ABCA12: variants seen among roughly 807,000 people sequenced by gnomAD.
ABCA12 encodes ATP binding cassette subfamily A member 12.
ABCA12 carries 156 observed loss-of-function variants against 293.5 expected under a neutral mutation model. That is an observed-to-expected ratio of 0.53 (90% confidence interval 0.47 to 0.61). The LOEUF (loss-of-function observed/expected upper bound fraction) is 0.61, where lower values mean the gene tolerates loss of function less well. Among genes scored for constraint, ABCA12 ranks in the 20% least tolerant of loss-of-function variants. The probability of loss-of-function intolerance (pLI) is 0.00; values close to 1 mark genes in which losing one functional copy is unlikely to be tolerated. For missense variants in ABCA12, 2,797 were observed against 3,090.2 expected (o/e 0.91, Z 2.25); for synonymous variants, 1,063 against 1,108.0 (o/e 0.96, Z 0.81).
chr2:214,994,654 T>C (rs192883392), intron 23 of ABCA12, among the ~76,000 whole-genome samples: 1 of 152,388 alleles, frequency 6.6e-6, no homozygotes, highest in East Asian at 1.9e-4. Flanking sequence ...ATTTATATTA[T>C]TGTTTTTTTT....
chr2:215,002,324 G>C (rs1186249824), intron 20 of ABCA12, among the ~76,000 whole-genome samples: 2 of 152,108 alleles, frequency 1.3e-5, no homozygotes, highest in Non-Finnish European at 2.9e-5. Flanking sequence ...TTTGATATCT[G>C]TATTAATCTG....
At chr2:215,010,496 C>A in intron 17 of ABCA12, 26 bp from the exon 18 acceptor site, 1 of 1,610,788 alleles carries the variant, frequency 6.2e-7, no homozygotes, top group Non-Finnish European at 8.5e-7. Context: ...GAAATAAAAC[C>A]ATTTAATAGA....
At position 215,010,483 on chromosome 2, in the gene ABCA12, AGT is replaced by A. The variant is rs1700347572; in HGVS notation, c.2333-15_2333-14del. 1 of 1,612,680 alleles carries A rather than the reference AGT, an allele frequency of 6.2e-7. No individual in the cohort carries two copies. The highest frequency in any genetic ancestry group is 1.1e-5 in the South Asian group (1 of 91,004). On this transcript the variant is annotated splice_polypyrimidine_tract_variant and intron_variant, in intron 17 of 52. Coordinates refer to ENST00000272895, the MANE Select transcript of ABCA12 (RefSeq NM_173076.3). ...AAGCAAAATGGTGCTGGAAGGAAAA[AGT>A]GAAATAAAACCATTTAATAGATGTA...
chr2:215,031,694 G>T, intron 9 of ABCA12, 127 bp downstream of exon 9: 2 of 1,146,592 alleles, frequency 1.7e-6, no homozygotes, highest in South Asian at 2.5e-5. Flanking sequence ...CCTTTCCTCT[G>T]CTCAGTCAAT....
intron 13 of ABCA12, 90 bp from the exon 14 acceptor site, chr2:215,018,222 T>G (rs1700549384): frequency 7.2e-6 from 11 of 1,518,508 alleles, no homozygotes; most frequent in Non-Finnish European, 8.9e-6. Context: ...CCTTCTAGAC[T>G]AAGACATACG....
chr2:215,096,157 C>G (rs1702246584), intron 2 of ABCA12, among the ~76,000 whole-genome samples: 1 of 152,196 alleles, frequency 6.6e-6, no homozygotes, highest in Non-Finnish European at 1.5e-5. Context: ...CTATATGCAT[C>G]TATAGACTGC....
At chr2:215,063,584 A>G (rs919443565) in intron 3 of ABCA12, among the ~76,000 whole-genome samples, 1 of 151,848 alleles carries the variant, frequency 6.6e-6, no homozygotes, top group Non-Finnish European at 1.5e-5. Context: ...TCAATTATGT[A>G]TACTTTTAAC....
Position 214,937,635 on chromosome 2 carries a change from A to C in ABCA12, c.7437-20T>G. ...CCAAACCTAGAAAGAAAAAGTGCAA[A>C]ATATGATATGAATTACATTTTGCTG... On this transcript the variant is annotated intron_variant, in intron 50 of 52. Coordinates refer to ENST00000272895, the MANE Select transcript of ABCA12 (RefSeq NM_173076.3). 1 of 1,583,604 alleles carries C rather than the reference A, an allele frequency of 6.3e-7. No homozygotes were observed. Among genetic ancestry groups the C allele is most frequent in the Non-Finnish European group, 8.7e-7 (1 of 1,152,590 alleles).
intron 28 of ABCA12, 73 bp from the exon 29 acceptor site, chr2:214,983,938 A>T (rs1699727807): frequency 7.5e-7 from 1 of 1,325,022 alleles, no homozygotes; most frequent in Non-Finnish European, 1.1e-6. Flanking sequence ...ACTATATCTC[A>T]GTTGTTAGAA....
chr2:215,124,324 T>C (rs1056483959), intron 1 of ABCA12, among the ~76,000 whole-genome samples: 3 of 152,196 alleles, frequency 2.0e-5, no homozygotes, highest in Non-Finnish European at 4.4e-5. Context: ...TGGGTAGATA[T>C]CCAGTAGTGG....
intron 23 of ABCA12, among the ~76,000 whole-genome samples, chr2:214,992,351 G>A (rs1307104533): frequency 6.7e-6 from 1 of 149,568 alleles, no homozygotes; most frequent in Non-Finnish European, 1.5e-5. Flanking sequence ...GCTGAGGCAG[G>A]AGAATGGCGT....
At chr2:214,983,340 A>T (rs1017438672) in intron 29 of ABCA12, among the ~76,000 whole-genome samples, 6 of 152,162 alleles carry the variant, frequency 3.9e-5, no homozygotes, top group Non-Finnish European at 7.4e-5. Context: ...TTCACAAGAG[A>T]TGAGTGAAAT....
At chr2:215,000,165 T>C (rs780255186) in intron 22 of ABCA12, among the ~76,000 whole-genome samples, 26 of 152,234 alleles carry the variant, frequency 1.7e-4, no homozygotes, top group Admixed American at 3.3e-4. Flanking sequence ...ATTTTAGATA[T>C]AGAGGATTCC....
At position 214,990,695 on chromosome 2, in the gene ABCA12, G is replaced by T; in HGVS notation, c.3624+7C>A. ...TTCCCACTCTGCCATTCCAACGGTT[G>T]ACTTACCATGAACACTTTCAATACA... On this transcript the variant is annotated splice_region_variant and intron_variant, in intron 24 of 52. Coordinates refer to ENST00000272895, the MANE Select transcript of ABCA12 (RefSeq NM_173076.3). 6.2e-7 allele frequency: 1 copy of T among 1,613,534 alleles called. No homozygotes were observed. Among genetic ancestry groups the T allele is most frequent in the South Asian group, 1.1e-5 (1 of 90,944 alleles).
chr2:215,004,384 G>A, intron 19 of ABCA12, 85 bp from the exon 20 acceptor site: 1 of 970,636 alleles, frequency 1.0e-6, no homozygotes, highest in East Asian at 2.6e-5. Context: ...ACAGTGAAGT[G>A]CAGTAACCAC....
chr2:214,980,262 C>A (rs1019449888), intron 31 of ABCA12, among the ~76,000 whole-genome samples: 1 of 152,142 alleles, frequency 6.6e-6, no homozygotes, highest in Non-Finnish European at 1.5e-5. Flanking sequence ...ATTCTGCACT[C>A]CCATCCCAGA....
Position 214,973,080 on chromosome 2 carries a change from C to T in ABCA12, c.5562+869G>A, listed in dbSNP as rs569358770. Reference sequence around the variant, plus strand: ...GCTCAAGCAATCCACCAGCCTCAGCCTCCCAATGTGCTGGGATTACAGGCT... The same window carrying T: ...GCTCAAGCAATCCACCAGCCTCAGCTTCCCAATGTGCTGGGATTACAGGCT... On this transcript the variant is annotated intron_variant, in intron 36 of 52. Transcript: ENST00000272895. 9.8e-5 allele frequency among the ~76,000 whole-genome samples: 15 copies of T among 152,288 alleles called. No individual in the cohort carries two copies. In the East Asian group the frequency reaches 2.3e-3, roughly 24 times the overall value.
rs1186763138 is a variant in ABCA12 at position 214,932,333 on chromosome 2, T to C, written c.*301A>G. The C allele has an allele frequency of 1.3e-5, 4 of 316,836 alleles. No individual in the cohort carries two copies. Among genetic ancestry groups the C allele is most frequent in the African/African-American group, 2.2e-5 (1 of 46,216 alleles). 19.6% of individuals were successfully genotyped at this position (316,836 alleles called of 1,614,324 possible). ...TTTTAAACTGTCTTTTTATTGAAAG[T>C]AATAAATTAAGATATTCATCTTGAG... On this transcript the variant is annotated 3_prime_UTR_variant, in exon 53 of 53. Transcript: ENST00000272895.
intron 50 of ABCA12, among the ~76,000 whole-genome samples, chr2:214,940,012 T>A (rs1453503885): frequency 2.0e-5 from 3 of 152,220 alleles, no homozygotes; most frequent in Non-Finnish European, 4.4e-5. Context: ...TGAATAGGAT[T>A]GGTGAGAGAG....
Sources: allele counts gnomAD v4.1 joint callset (sites outside exome capture counted in the v4.1 genomes callset), GRCh38; gene constraint gnomAD v4.1.1; transcripts MANE v1.5; gene names NCBI Gene and HGNC (gene_info 2026-07-23, HGNC 2026-07-21).